The following THOP1 variants were observed in gnomAD, a reference collection of about 807,000 sequenced individuals.
THOP1 encodes the protein thimet oligopeptidase.
In THOP1, 49 loss-of-function variants were observed where a neutral mutation model predicts 71.8. The observed-to-expected ratio is 0.68, with a 90% confidence interval of 0.54 to 0.87. The LOEUF (loss-of-function observed/expected upper bound fraction) is 0.87, where lower values mean the gene tolerates loss of function less well. Among genes scored for constraint, THOP1 ranks in the 40% least tolerant of loss-of-function variants. THOP1 has a pLI of 0.00. For missense variants in THOP1, 843 were observed against 975.6 expected (o/e 0.86, Z 1.81); for synonymous variants, 426 against 421.5 (o/e 1.01, Z -0.13).
intron 4 of THOP1, 72 bp downstream of exon 4, chr19:2,796,260 G>C (rs1470673873): frequency 7.8e-7 from 1 of 1,276,544 alleles, no homozygotes; most frequent in Non-Finnish European, 1.1e-6. Context: ...CACAGGGAGT[G>C]CTCAGTCCCA....
Position 2,812,023 on chromosome 19 carries a change from G to A in THOP1, c.1908+289G>A. Reference sequence around the variant, plus strand: ...TGCCCACAGCTCCTCCCTGGGCCCTGCAGGAAGCTCCACACTGGCCCCTCA... The same window carrying A: ...TGCCCACAGCTCCTCCCTGGGCCCTACAGGAAGCTCCACACTGGCCCCTCA... On this transcript the variant is annotated intron_variant, in intron 12 of 12. Transcript: ENST00000307741. The A allele has an allele frequency of 6.7e-6, 7 of 1,045,724 alleles. No homozygotes were observed. The South Asian group carries it at 1.2e-4, about 19-fold the overall frequency. 64.8% of individuals were successfully genotyped at this position (1,045,724 alleles called of 1,614,324 possible). A position where few individuals can be genotyped will look rare whatever the true frequency, so the allele number is the denominator to read the frequency against.
intron 1 of THOP1, among the ~76,000 whole-genome samples, chr19:2,787,475 A>G (rs1465954025): frequency 6.6e-6 from 1 of 152,186 alleles, no homozygotes; most frequent in East Asian, 1.9e-4. Flanking sequence ...GAATTTTCTG[A>G]CAGTTCCAGT....
rs1054769180 is a variant in THOP1 at position 2,805,027 on chromosome 19, G to A, written c.601G>A (p.Glu201Lys). ...FTLQELGGLP[E>K]DFLNSLEKME... ...TTCTGTCCCCATAGGAGGGCTCCCC[G>A]AGGACTTTCTGAACTCCCTGGAGAA... The change falls in exon 6 of 13, where the codon GAG (glutamate) becomes AAG (lysine). Residue 201 changes from glutamate (E) to lysine (K), a missense_variant. Glu to Lys is a moderately conservative substitution (Grantham distance 56). Transcript: ENST00000307741. This position sits in a 1 kb window ranked among gnomAD's most constrained non-coding sequence, Gnocchi z 6.6. The A allele has an allele frequency of 9.3e-6, 15 of 1,612,004 alleles. No individual in the cohort carries two copies. Among genetic ancestry groups the A allele is most frequent in the East Asian group, 6.7e-5 (3 of 44,862 alleles).
chr19:2,812,212 A>G (rs1916495862), intron 12 of THOP1: 1 of 1,519,160 alleles, frequency 6.6e-7, no homozygotes, highest in East Asian at 2.5e-5. Flanking sequence ...CCTCACTATG[A>G]AGTGCGGCCG....
chr19:2,803,187 C>T (rs1337957522), intron 5 of THOP1, among the ~76,000 whole-genome samples: 3 of 152,326 alleles, frequency 2.0e-5, no homozygotes, highest in Non-Finnish European at 4.4e-5. Context: ...ACTTAGGCAC[C>T]GGATGTGTTC....
rs1177471396 is a variant in THOP1 at position 2,810,330 on chromosome 19, C to T, written c.1482C>T (p.Thr494=). ...CGGAGTTCGCCATGTTCAGCGGGAC[C>T]CACGTGGAGCGGGACTTTGTGGAGG... is the stretch of plus-strand genomic sequence containing the variant. ...SQAEFAMFSG[T]HVERDFVEAP... The change falls in exon 10 of 13, where the codon ACC becomes ACT. Residue 494 remains threonine (T), a synonymous_variant. Transcript: ENST00000307741. The T allele has an allele frequency of 1.2e-6, 2 of 1,611,728 alleles. No homozygotes were observed. Among genetic ancestry groups the T allele is most frequent in the Admixed American group, 1.7e-5 (1 of 59,992 alleles).
chr19:2,798,688 T>G (rs1736182), intron 4 of THOP1, among the ~76,000 whole-genome samples: 68,050 of 152,176 alleles, frequency 0.45, 17,678 homozygotes, highest in African/African-American at 0.71. Context: ...ACCAGGGCCT[T>G]CCTGACAAGA....
chr19:2,787,176 G>C (rs1354786586), intron 1 of THOP1: 1 of 152,260 alleles, frequency 6.6e-6, no homozygotes, highest in Non-Finnish European at 1.5e-5. Context: ...TGGGATTACA[G>C]GCATGAGCCA....
intron 5 of THOP1, among the ~76,000 whole-genome samples, chr19:2,802,311 ACCC>A: frequency 1.0e-5 from 1 of 100,092 alleles, no homozygotes. Context: ...ACCTCCCGAC[ACCC>A]CCACTTCCCG....
At position 2,790,687 on chromosome 19, in the gene THOP1, C is replaced by T. The variant is rs1392008893; in HGVS notation, c.229+54C>T. 1.0e-5 allele frequency: 15 copies of T among 1,457,082 alleles called. No homozygotes were observed. The Admixed American group carries it at 2.1e-4, about 20-fold the overall frequency. The allele number at this position is 1,457,082 out of a possible 1,614,324, so 90.3% of individuals were successfully genotyped here. ...GCCGCAGGTGCCGAGGGAGGTGGCA[C>T]CGCAGGCGGGAGTAGCCCAGCCCGT... On this transcript the variant is annotated intron_variant, in intron 2 of 12. Coordinates refer to ENST00000307741, the MANE Select transcript of THOP1 (RefSeq NM_003249.5).
chr19:2,790,392 G>A (rs374988252), intron 1 of THOP1, 29 bp from the exon 2 acceptor site: 509 of 1,500,658 alleles, frequency 3.4e-4, no homozygotes, highest in Non-Finnish European at 4.3e-4. Context: ...AAGCAGACCC[G>A]CCCGGCACTG....
Position 2,814,556 on chromosome 19 carries a change from AGT to A in THOP1, c.*1284_*1285del, listed in dbSNP as rs1916563822. 1 of 152,388 alleles carries A rather than the reference AGT, an allele frequency of 6.6e-6. No individual in the cohort carries two copies. Among genetic ancestry groups the A allele is most frequent in the Non-Finnish European group, 1.5e-5 (1 of 68,140 alleles). 9.4% of individuals were successfully genotyped at this position (152,388 alleles called of 1,614,324 possible). ...GTCCCATTCCCACCCAGCCCAGGTC[AGT>A]GTGGCTGTGGCCACTGCCATGGGGC... On this transcript the variant is annotated 3_prime_UTR_variant, in exon 13 of 13. Transcript: ENST00000307741.
At chr19:2,808,530 C>A in intron 9 of THOP1, 86 bp downstream of exon 9, 1 of 1,403,220 alleles carries the variant, frequency 7.1e-7, no homozygotes, top group South Asian at 1.4e-5. Context: ...GGGGCTTCGG[C>A]TTCCGGCTCT....
At chr19:2,791,908 G>A (rs1462724653) in intron 2 of THOP1, among the ~76,000 whole-genome samples, 1 of 152,212 alleles carries the variant, frequency 6.6e-6, no homozygotes, top group Non-Finnish European at 1.5e-5. Context: ...GTCTGTGCCT[G>A]GACACCCAGT....
At chr19:2,811,973 G>T (rs1051114824) in intron 12 of THOP1, 3 of 1,095,180 alleles carry the variant, frequency 2.7e-6, no homozygotes, top group Admixed American at 6.0e-5. Context: ...CCCGGCCGAG[G>T]CACCTGCTGG....
intron 3 of THOP1, 30 bp from the exon 4 acceptor site, chr19:2,796,051 G>A (rs779543141): frequency 1.2e-5 from 19 of 1,584,468 alleles, no homozygotes; most frequent in South Asian, 5.5e-5. Flanking sequence ...ACTGGCCCAC[G>A]TCCTACATGC....
At chr19:2,807,272 G>A (rs1470520019) in intron 7 of THOP1, among the ~76,000 whole-genome samples, 170 bp from the exon 8 acceptor site, 1 of 152,264 alleles carries the variant, frequency 6.6e-6, no homozygotes, top group East Asian at 1.9e-4. Context: ...CGGCCCCGCC[G>A]CCCCCTCACC....
chr19:2,807,394 T>C (rs777554782), intron 7 of THOP1, 48 bp from the exon 8 acceptor site: 2 of 1,527,780 alleles, frequency 1.3e-6, no homozygotes, highest in African/African-American at 1.4e-5. Flanking sequence ...CCCAGAGCCA[T>C]GGAGGAGCCC....
At chr19:2,793,333 A>AG (rs1397060690) in intron 2 of THOP1, among the ~76,000 whole-genome samples, 1 of 151,960 alleles carries the variant, frequency 6.6e-6, no homozygotes, top group African/African-American at 2.4e-5. Context: ...CCCTGTCCCC[A>AG]GCCCTGGCAC....
Sources: gnomAD v4.1 joint callset for allele counts (sites outside exome capture counted in the v4.1 genomes callset) on GRCh38, gnomAD v4.1.1 for gene constraint, Gnocchi (gnomAD v3.1) non-coding constraint, MANE v1.5 for transcripts, NCBI Gene and HGNC (gene_info 2026-07-23, HGNC 2026-07-21) for gene names.